GPC5: variants seen among roughly 807,000 people sequenced by gnomAD.
GPC5 encodes glypican-5.
Under a neutral mutation model 53.9 loss-of-function variants are expected in GPC5, and 47 were observed. The observed-to-expected ratio is 0.87, with a 90% CI of 0.69 to 1.11. GPC5 has a LOEUF of 1.11. Among genes scored for constraint, GPC5 ranks in the 50% most tolerant of loss-of-function variants. GPC5 has a pLI of 0.00. For synonymous variants in GPC5, 286 were observed against 263.3 expected, an observed-to-expected ratio of 1.09 and a Z score of -0.84; for missense variants, 748 against 713.1, an observed-to-expected ratio of 1.05 and a Z score of -0.56.
intron 7 of GPC5, among the ~76,000 whole-genome samples, chr13:92,413,649 A>G (rs1426190676): frequency 2.0e-5 from 3 of 152,200 alleles, no homozygotes; most frequent in Non-Finnish European, 2.9e-5. Flanking sequence ...AACAGAATTG[A>G]TTTTATCAAG....
chr13:92,827,582 C>T (rs546253981), intron 7 of GPC5, among the ~76,000 whole-genome samples: 68 of 152,238 alleles, frequency 4.5e-4, no homozygotes, highest in African/African-American at 1.5e-3. Context: ...GCTCCATTTG[C>T]AATTTGGGAT....
intron 4 of GPC5, among the ~76,000 whole-genome samples, chr13:91,755,230 A>C (rs887904490): frequency 2.6e-5 from 4 of 152,126 alleles, no homozygotes; most frequent in African/African-American, 9.7e-5. Flanking sequence ...TACTCCAGGC[A>C]TAATTTAGAA....
intron 3 of GPC5, among the ~76,000 whole-genome samples, chr13:91,727,660 A>G (rs2036604000): frequency 6.6e-6 from 1 of 152,144 alleles, no homozygotes; most frequent in South Asian, 2.1e-4. Flanking sequence ...TAACTTCTTC[A>G]TTGTGCACAT....
Position 92,855,682 on chromosome 13 carries a change from T to C in GPC5, c.1562-10600T>C, listed in dbSNP as rs549504911. Among the ~76,000 whole-genome samples, 6 of 150,566 alleles carry C rather than the reference T, an allele frequency of 4.0e-5. No individual in the cohort carries two copies. The South Asian group carries it at 8.4e-4, about 21-fold the overall frequency. ...ATGACAAAAGTGACATTATAAATGA[T>C]CCCACAGACTACAAAAGATCCTCAA... On this transcript the variant is annotated intron_variant, in intron 7 of 7. Transcript: ENST00000377067.
intron 5 of GPC5, among the ~76,000 whole-genome samples, chr13:91,871,077 T>G (rs1190845099): frequency 2.0e-5 from 3 of 152,210 alleles, no homozygotes; most frequent in Non-Finnish European, 4.4e-5. Flanking sequence ...ATAGACTATG[T>G]GTTATGTGCC....
intron 4 of GPC5, among the ~76,000 whole-genome samples, chr13:91,731,223 C>T (rs564002055): frequency 3.9e-5 from 6 of 152,292 alleles, no homozygotes; most frequent in African/African-American, 1.4e-4. Flanking sequence ...CAAGTAGTCA[C>T]CACGTATAAA....
intron 2 of GPC5, among the ~76,000 whole-genome samples, chr13:91,688,645 G>C (rs1488136696): frequency 6.6e-6 from 1 of 152,094 alleles, no homozygotes; most frequent in Non-Finnish European, 1.5e-5. Flanking sequence ...ACAGAGATTT[G>C]TTTGGAGAAA....
chr13:92,105,247 C>T (rs2041500682), intron 6 of GPC5, among the ~76,000 whole-genome samples: 1 of 151,996 alleles, frequency 6.6e-6, no homozygotes, highest in South Asian at 2.1e-4. Flanking sequence ...GAGTTTTGAG[C>T]TCTGAATCTA....
chr13:92,859,008 G>C (rs1295023960), intron 7 of GPC5, among the ~76,000 whole-genome samples: 1 of 152,100 alleles, frequency 6.6e-6, no homozygotes, highest in Non-Finnish European at 1.5e-5. Flanking sequence ...GGGAAACCAA[G>C]GCAGGGGTAT....
chr13:92,579,361 T>C (rs2139051570), intron 7 of GPC5, among the ~76,000 whole-genome samples: 1 of 143,212 alleles, frequency 7.0e-6, no homozygotes, highest in Admixed American at 7.2e-5. Context: ...CCTTCCCAAC[T>C]GATGTAGTAG....
At chr13:92,829,483 A>C (rs1877973932) in intron 7 of GPC5, among the ~76,000 whole-genome samples, 1 of 152,176 alleles carries the variant, frequency 6.6e-6, no homozygotes, top group Non-Finnish European at 1.5e-5. Flanking sequence ...TCTCAAATTT[A>C]TTATTATGAA....
At chr13:91,888,909 G>C (rs180840241) in intron 5 of GPC5, among the ~76,000 whole-genome samples, 2 of 152,122 alleles carry the variant, frequency 1.3e-5, no homozygotes, top group African/African-American at 2.4e-5. Flanking sequence ...GGAAAGAAAA[G>C]AGGCTGAGTT....
chr13:91,474,079 G>C (rs966482186), intron 2 of GPC5, among the ~76,000 whole-genome samples: 3 of 152,102 alleles, frequency 2.0e-5, no homozygotes, highest in African/African-American at 7.2e-5. Flanking sequence ...TGAAAGCTTT[G>C]CTTATGTAGT....
chr13:92,145,888 T>C (rs1168451164), intron 7 of GPC5, among the ~76,000 whole-genome samples: 1 of 152,160 alleles, frequency 6.6e-6, no homozygotes, highest in Non-Finnish European at 1.5e-5. Context: ...TGCCTTTTGG[T>C]GGGAGAAGAA....
intron 7 of GPC5, among the ~76,000 whole-genome samples, chr13:92,282,806 C>T (rs2042926052): frequency 6.6e-6 from 1 of 152,110 alleles, no homozygotes; most frequent in Admixed American, 6.5e-5. Context: ...TTGTAAAGAC[C>T]ATCGATGCTA....
chr13:92,065,342 C>G (rs2041159578), intron 6 of GPC5, among the ~76,000 whole-genome samples: 1 of 152,140 alleles, frequency 6.6e-6, no homozygotes, highest in Admixed American at 6.5e-5. Context: ...ACTTCCCTGA[C>G]TGCAGGGGTT....
intron 7 of GPC5, among the ~76,000 whole-genome samples, chr13:92,443,534 C>G (rs928389085): frequency 7.2e-6 from 1 of 139,368 alleles, no homozygotes; most frequent in Non-Finnish European, 1.5e-5. Flanking sequence ...TGAAAATATA[C>G]TTGTGTTACA....
chr13:92,071,997 A>T (rs2041215436), intron 6 of GPC5, among the ~76,000 whole-genome samples: 1 of 146,150 alleles, frequency 6.8e-6, no homozygotes, highest in South Asian at 2.1e-4. Flanking sequence ...TATTATTTAT[A>T]TGTATTGATA....
chr13:91,609,292 A>G (rs922935578), intron 2 of GPC5, among the ~76,000 whole-genome samples: 1 of 151,990 alleles, frequency 6.6e-6, no homozygotes, highest in Non-Finnish European at 1.5e-5. Flanking sequence ...AAACATGATC[A>G]GTTAGCTTCT....
Sources: gnomAD v4.1 joint callset for allele counts (sites outside exome capture counted in the v4.1 genomes callset) on GRCh38, gnomAD v4.1.1 for gene constraint, MANE v1.5 for transcripts, NCBI Gene and HGNC (gene_info 2026-07-23, HGNC 2026-07-21) for gene names.